The following FKBP5 variants were observed in gnomAD, a reference collection of about 807,000 sequenced individuals.
FKBP5 encodes the protein FKBP prolyl isomerase 5, also known as peptidyl-prolyl cis-trans isomerase FKBP5.
FKBP5 carries 23 observed loss-of-function variants against 50.5 expected under a neutral mutation model. The ratio of observed to expected loss-of-function variants is 0.46; its 90% CI spans 0.33 to 0.65. FKBP5 has a LOEUF of 0.65. FKBP5 is among the 30% of genes least tolerant of loss of function. The pLI is 0.02. For synonymous variants in FKBP5, 176 were observed against 190.6 expected, an observed-to-expected ratio of 0.92 and a Z score of 0.63; for missense variants, 411 against 553.1, an observed-to-expected ratio of 0.74 and a Z score of 2.58.
At chr6:35,691,367 G>A (rs1765983993), upstream of FKBP5, among the ~76,000 whole-genome samples, 1 of 152,158 alleles carries the variant, frequency 6.6e-6, no homozygotes, top group African/African-American at 2.4e-5. Flanking sequence ...GGGACAGCGT[G>A]AGCAAAAAGC....
intron 3 of FKBP5, among the ~76,000 whole-genome samples, chr6:35,628,983 C>A (rs145286894): frequency 0.012 from 1,810 of 152,332 alleles, 40 homozygotes; most frequent in East Asian, 0.046. Flanking sequence ...TCCCAAAGTG[C>A]CGGGATTACA....
chr6:35,695,960 C>T (rs923602914), intron 2 of FKBP5, among the ~76,000 whole-genome samples: 8 of 150,728 alleles, frequency 5.3e-5, no homozygotes, highest in Non-Finnish European at 7.4e-5. Context: ...CTGGCTAACA[C>T]GGTGAAACCC....
chr6:35,583,936 G>A (rs1762523046), intron 8 of FKBP5: 1 of 985,352 alleles, frequency 1.0e-6, no homozygotes, highest in Non-Finnish European at 1.2e-6. Context: ...AGAGTTTAGA[G>A]GTTGAACAAT....
At chr6:35,582,396 GT>G in intron 8 of FKBP5, 1 of 688,878 alleles carries the variant, frequency 1.5e-6, no homozygotes, top group Non-Finnish European at 1.8e-6. Context: ...AGGGAATTAG[GT>G]TAGATGTGGT....
chr6:35,634,047 A>C (rs764846877), intron 3 of FKBP5, among the ~76,000 whole-genome samples: 1 of 152,178 alleles, frequency 6.6e-6, no homozygotes, highest in Non-Finnish European at 1.5e-5. Flanking sequence ...AATTCCAGGA[A>C]ACTCATTCAC....
chr6:35,615,124 AAACAACAACAACAAC>A (rs534273489), intron 5 of FKBP5, among the ~76,000 whole-genome samples: 10,134 of 148,036 alleles, frequency 0.068, 762 homozygotes, highest in African/African-American at 0.2. Context: ...ACTCTGTCGC[AAACAACAACAACAAC>A]AACAACAACA....
intron 1 of FKBP5, among the ~76,000 whole-genome samples, chr6:35,672,470 C>CCT (rs1554137237): frequency 3.7e-5 from 5 of 136,862 alleles, no homozygotes; most frequent in Admixed American, 1.5e-4. Context: ...CAGAAGCTTG[C>CCT]TTTTTTTTTT....
chr6:35,608,338 G>T (rs903575157), intron 5 of FKBP5, among the ~76,000 whole-genome samples: 83 of 150,184 alleles, frequency 5.5e-4, no homozygotes, highest in Admixed American at 9.3e-4. Context: ...TACCAAACTG[G>T]CACATGTCCC....
intron 2 of FKBP5, among the ~76,000 whole-genome samples, chr6:35,716,329 T>C (rs1465456233): frequency 6.6e-6 from 1 of 152,068 alleles, no homozygotes; most frequent in African/African-American, 2.4e-5. Context: ...GCTACGATTG[T>C]GCCACCGCAC....
intron 1 of FKBP5, among the ~76,000 whole-genome samples, chr6:35,678,269 C>T (rs1012088363): frequency 3.9e-5 from 6 of 151,946 alleles, no homozygotes; most frequent in Non-Finnish European, 7.4e-5. Flanking sequence ...TGTTGGTATA[C>T]AGCTGCTACA....
At chr6:35,585,989 C>A (rs375586260) in intron 8 of FKBP5, 1 of 984,998 alleles carries the variant, frequency 1.0e-6, no homozygotes, top group Non-Finnish European at 1.2e-6. Context: ...ATAGCAGATG[C>A]CCCATAAAGA....
chr6:35,670,490 T>C (rs761718700), intron 1 of FKBP5, among the ~76,000 whole-genome samples: 10 of 152,156 alleles, frequency 6.6e-5, no homozygotes, highest in South Asian at 4.1e-4. Context: ...TCCTAACACT[T>C]TGGGAGGCTG....
At chr6:35,614,499 G>T (rs1357701997) in intron 5 of FKBP5, among the ~76,000 whole-genome samples, 6 of 152,038 alleles carry the variant, frequency 3.9e-5, no homozygotes, top group African/African-American at 1.5e-4. Flanking sequence ...TGTTACAATT[G>T]AGTAACATAA....
intron 2 of FKBP5, among the ~76,000 whole-genome samples, chr6:35,700,156 T>C (rs1766154100): frequency 6.6e-6 from 1 of 152,198 alleles, no homozygotes; most frequent in African/African-American, 2.4e-5. Context: ...CTGCCACTTC[T>C]TTTTTATTTT....
intron 1 of FKBP5, among the ~76,000 whole-genome samples, chr6:35,726,586 C>T (rs1340274702): frequency 6.7e-6 from 1 of 148,668 alleles, no homozygotes; most frequent in Non-Finnish European, 1.5e-5. Flanking sequence ...ACACACAGCT[C>T]AAGGCCTAGA....
At chr6:35,580,917 C>T (rs925731771) in intron 8 of FKBP5, 1 of 985,324 alleles carries the variant, frequency 1.0e-6, no homozygotes. Flanking sequence ...AGTTACTTTT[C>T]TTTTCAGCAC....
At chr6:35,704,055 A>T (rs1051971595) in intron 2 of FKBP5, among the ~76,000 whole-genome samples, 2 of 152,194 alleles carry the variant, frequency 1.3e-5, no homozygotes, top group African/African-American at 4.8e-5. Context: ...AACCTGAAAT[A>T]AGCCCCCTTT....
intron 1 of FKBP5, among the ~76,000 whole-genome samples, chr6:35,671,122 G>A (rs535349596): frequency 1.0e-3 from 155 of 152,054 alleles, no homozygotes; most frequent in Middle Eastern, 3.4e-3. Flanking sequence ...AAGTTAGTTG[G>A]GCATGGTGGT....
intron 1 of FKBP5, 48 bp from the exon 2 acceptor site, chr6:35,642,891 T>C (rs1470043391): frequency 8.1e-6 from 11 of 1,356,986 alleles, no homozygotes; most frequent in African/African-American, 1.4e-5. Context: ...CACTTCTTTA[T>C]GAATCTTGAA....
Sources: allele counts gnomAD v4.1 joint callset (sites outside exome capture counted in the v4.1 genomes callset), GRCh38; gene constraint gnomAD v4.1.1; transcripts MANE v1.5; gene names NCBI Gene and HGNC (gene_info 2026-07-23, HGNC 2026-07-21).